The following ARHGAP15 variants were observed in gnomAD, a reference collection of about 807,000 sequenced individuals.
The protein encoded by ARHGAP15 is rho GTPase-activating protein 15.
A neutral mutation model predicts 63.7 loss-of-function variants in ARHGAP15; 51 were observed. That is an observed-to-expected ratio of 0.80 (90% CI 0.64 to 1.01). The LOEUF (loss-of-function observed/expected upper bound fraction) is 1.01, where lower values mean the gene tolerates loss of function less well. Among genes scored for constraint, ARHGAP15 ranks in the 50% least tolerant of loss-of-function variants. ARHGAP15 has a pLI of 0.00. For missense variants in ARHGAP15, 560 were observed against 564.6 expected (o/e 0.99, Z 0.08); for synonymous variants, 191 against 193.8 (o/e 0.99, Z 0.12).
intron 3 of ARHGAP15, among the ~76,000 whole-genome samples, chr2:143,203,741 T>C (rs1692216957): frequency 6.6e-6 from 1 of 151,932 alleles, no homozygotes; most frequent in Non-Finnish European, 1.5e-5. Context: ...TCCCTCTTCA[T>C]TTTGGAGCTC....
At chr2:143,215,209 A>T (rs1286819768) in intron 3 of ARHGAP15, among the ~76,000 whole-genome samples, 1 of 152,156 alleles carries the variant, frequency 6.6e-6, no homozygotes, top group Admixed American at 6.5e-5. Context: ...GTGCACCTAA[A>T]AGAGATGGCA....
At chr2:143,702,491 TA>T in intron 12 of ARHGAP15, among the ~76,000 whole-genome samples, 1 of 152,308 alleles carries the variant, frequency 6.6e-6, no homozygotes. Flanking sequence ...AAATAATTTT[TA>T]AAACAATTTT....
intron 6 of ARHGAP15, among the ~76,000 whole-genome samples, chr2:143,307,771 C>G (rs1470330624): frequency 6.6e-6 from 1 of 152,088 alleles, no homozygotes; most frequent in Non-Finnish European, 1.5e-5. Flanking sequence ...GGGTCTCAAT[C>G]AAGCAGCTGG....
intron 2 of ARHGAP15, among the ~76,000 whole-genome samples, chr2:143,159,802 G>A (rs1690220948): frequency 2.0e-5 from 3 of 151,890 alleles, no homozygotes; most frequent in South Asian, 2.1e-4. Flanking sequence ...TTAAATGAGA[G>A]TCTGCAGCCA....
intron 12 of ARHGAP15, among the ~76,000 whole-genome samples, chr2:143,695,106 A>T (rs1683783286): frequency 6.6e-6 from 1 of 152,208 alleles, no homozygotes; most frequent in Non-Finnish European, 1.5e-5. Flanking sequence ...GCTTATGATG[A>T]AAAAGATTTC....
At chr2:143,229,591 C>A (rs115418841) in intron 5 of ARHGAP15, among the ~76,000 whole-genome samples, 2 of 152,082 alleles carry the variant, frequency 1.3e-5, no homozygotes, top group Non-Finnish European at 2.9e-5. Context: ...GGAAGGACTC[C>A]GGGCAGGAAC....
chr2:143,200,582 C>T (rs544234600), intron 2 of ARHGAP15, among the ~76,000 whole-genome samples: 1 of 151,944 alleles, frequency 6.6e-6, no homozygotes, highest in Admixed American at 6.6e-5. Flanking sequence ...CCTCCTCATG[C>T]CCCTTCTTCC....
chr2:143,268,852 T>C (rs1681129151), intron 6 of ARHGAP15, among the ~76,000 whole-genome samples: 1 of 151,458 alleles, frequency 6.6e-6, no homozygotes, highest in Non-Finnish European at 1.5e-5. Flanking sequence ...TAAGATTCAA[T>C]TAGGATAAAC....
chr2:143,154,470 C>T (rs1412368671), intron 1 of ARHGAP15, among the ~76,000 whole-genome samples: 1 of 151,930 alleles, frequency 6.6e-6, no homozygotes, highest in South Asian at 2.1e-4. Flanking sequence ...TATTCGCTCC[C>T]ATAACTGACT....
At position 143,153,840 on chromosome 2, in the gene ARHGAP15, T is replaced by TCCTCC. The variant is rs1553440925; in HGVS notation, c.-14-1637_-14-1636insCCTCC. Among the ~76,000 whole-genome samples the TCCTCC allele has an allele frequency of 9.4e-3, 740 of 78,312 alleles. 51 individuals carry two copies. Among genetic ancestry groups the TCCTCC allele is most frequent in the East Asian group, 0.028 (69 of 2,426 alleles). The allele number at this position is 78,312 out of a possible 152,430, so 51.4% of individuals were successfully genotyped here. On this transcript the variant is annotated intron_variant, in intron 1 of 13. Transcript: ENST00000295095. ...CTTCTTCTTCTTCTTCTTCTTCTTC[T>TCCTCC]TCTTCCTCCTCCTCCTCCTCCTCCT...
intron 8 of ARHGAP15, among the ~76,000 whole-genome samples, chr2:143,467,242 C>CTTTTTTTTTTTTTTTTTTTT (rs202115707): frequency 1.7e-4 from 10 of 57,894 alleles, no homozygotes; most frequent in African/African-American, 2.3e-4. Flanking sequence ...ACTCCATGGC[C>CTTTTTTTTTTTTTTTTTTTT]TTTTTTTTTT....
chr2:143,489,606 A>C (rs1202639507), intron 9 of ARHGAP15, among the ~76,000 whole-genome samples: 1 of 152,140 alleles, frequency 6.6e-6, no homozygotes, highest in Non-Finnish European at 1.5e-5. Flanking sequence ...GGCTAGTCAC[A>C]CTTAGTACTT....
intron 11 of ARHGAP15, among the ~76,000 whole-genome samples, chr2:143,568,031 A>G (rs1213588315): frequency 1.3e-5 from 2 of 152,240 alleles, no homozygotes; most frequent in African/African-American, 4.8e-5. Context: ...AAGATAGATT[A>G]AAGACTTACA....
At chr2:143,653,962 T>C (rs1315705459) in intron 12 of ARHGAP15, among the ~76,000 whole-genome samples, 1 of 152,210 alleles carries the variant, frequency 6.6e-6, no homozygotes, top group Non-Finnish European at 1.5e-5. Flanking sequence ...CCACTGAGGA[T>C]TTTAAACAAG....
intron 12 of ARHGAP15, among the ~76,000 whole-genome samples, chr2:143,626,535 T>C (rs572219274): frequency 6.4e-4 from 98 of 152,192 alleles, no homozygotes; most frequent in African/African-American, 2.3e-3. Context: ...GGACAAAGCT[T>C]CCACAGCATG....
rs117516819 is a variant in ARHGAP15 at position 143,561,986 on chromosome 2, T to C, written c.1003+5501T>C. On this transcript the variant is annotated intron_variant, in intron 11 of 13. Coordinates refer to ENST00000295095, the MANE Select transcript of ARHGAP15 (RefSeq NM_018460.4). ...TTTGTTTTAAATGAGAGGATTTTTTTCATTAATTTATGGTCTCGTAGATAT... is the reference window on the plus strand; with the variant it reads ...TTTGTTTTAAATGAGAGGATTTTTTCCATTAATTTATGGTCTCGTAGATAT... Among the ~76,000 whole-genome samples, 173 of 152,306 alleles carry C rather than the reference T, an allele frequency of 1.1e-3. 1 individual carries two copies. In the East Asian group the frequency reaches 0.03, roughly 26 times the overall value.
intron 6 of ARHGAP15, among the ~76,000 whole-genome samples, chr2:143,320,408 A>ACC (rs1157521605): frequency 7.6e-5 from 2 of 26,308 alleles, no homozygotes; most frequent in South Asian, 2.3e-3. Context: ...GGACTTCCCC[A>ACC]CCCCCCCCCC....
intron 12 of ARHGAP15, among the ~76,000 whole-genome samples, chr2:143,696,299 C>G (rs919978344): frequency 5.9e-5 from 9 of 151,578 alleles, no homozygotes; most frequent in Non-Finnish European, 1.2e-4. Context: ...AGATAGCAAC[C>G]AACTTTGTAT....
chr2:143,267,681 A>G (rs1308145724), intron 6 of ARHGAP15, among the ~76,000 whole-genome samples: 2 of 152,178 alleles, frequency 1.3e-5, no homozygotes, highest in African/African-American at 2.4e-5. Context: ...CATCAAATGA[A>G]TTGGTATTCT....
Sources: gnomAD v4.1 joint callset for allele counts (sites outside exome capture counted in the v4.1 genomes callset) on GRCh38, gnomAD v4.1.1 for gene constraint, MANE v1.5 for transcripts, NCBI Gene and HGNC (gene_info 2026-07-23, HGNC 2026-07-21) for gene names.